Variants in RNLS observed in about 807,000 individuals in gnomAD.
The protein encoded by RNLS is renalase, FAD dependent amine oxidase.
A neutral mutation model predicts 39.8 loss-of-function variants in RNLS; 39 were observed. The observed-to-expected ratio is 0.98, with a 90% confidence interval of 0.76 to 1.28. RNLS has a LOEUF of 1.28. RNLS is among the 50% of genes most tolerant of loss of function. The probability of loss-of-function intolerance (pLI) is 0.00; values close to 1 mark genes in which losing one functional copy is unlikely to be tolerated. For missense variants in RNLS, 410 were observed against 413.3 expected (o/e 0.99, Z 0.07); for synonymous variants, 147 against 150.7 (o/e 0.98, Z 0.18).
chr10:88,444,839 G>A (rs1397788008), intron 4 of RNLS, among the ~76,000 whole-genome samples: 10 of 152,192 alleles, frequency 6.6e-5, no homozygotes, highest in African/African-American at 1.2e-4. Flanking sequence ...CCAAATCTAC[G>A]TCTGATTGGT....
the RNLS span, among the ~76,000 whole-genome samples, chr10:88,243,290 T>C: frequency 6.6e-6 from 1 of 152,154 alleles, no homozygotes; most frequent in Non-Finnish European, 1.5e-5. Context: ...TTAAAGAAAA[T>C]CCCATTTTCC....
chr10:88,517,272 G>C (rs2134179371), intron 4 of RNLS, among the ~76,000 whole-genome samples: 1 of 151,950 alleles, frequency 6.6e-6, no homozygotes, highest in East Asian at 1.9e-4. Flanking sequence ...ACATAATAAG[G>C]AAAGAATAAA....
chr10:88,578,671 C>T (rs1850350938), intron 3 of RNLS, among the ~76,000 whole-genome samples: 1 of 152,000 alleles, frequency 6.6e-6, no homozygotes, highest in African/African-American at 2.4e-5. Flanking sequence ...ATCACTCTAC[C>T]TACTATGTAG....
chr10:88,558,100 C>A (rs1158185644), intron 4 of RNLS, among the ~76,000 whole-genome samples: 2 of 152,060 alleles, frequency 1.3e-5, no homozygotes, highest in Admixed American at 6.6e-5. Flanking sequence ...TGTATGAGAA[C>A]AAAACTATGA....
intron 4 of RNLS, among the ~76,000 whole-genome samples, chr10:88,474,188 T>A (rs1399343763): frequency 7.2e-5 from 11 of 152,148 alleles, no homozygotes; most frequent in Non-Finnish European, 1.5e-5. Context: ...TTCTGTTAGA[T>A]GAAGTTGAAT....
At chr10:88,519,324 G>T (rs1846576933) in intron 4 of RNLS, among the ~76,000 whole-genome samples, 1 of 151,692 alleles carries the variant, frequency 6.6e-6, no homozygotes, top group Admixed American at 6.6e-5. Flanking sequence ...TATATATATT[G>T]CCTCCCACAT....
At chr10:88,232,991 C>T in the RNLS span, among the ~76,000 whole-genome samples, 1 of 152,240 alleles carries the variant, frequency 6.6e-6, no homozygotes, top group African/African-American at 2.4e-5. Flanking sequence ...TGAGCATCCT[C>T]ATTTTACTGA....
intron 4 of RNLS, among the ~76,000 whole-genome samples, chr10:88,455,396 C>A (rs2133913347): frequency 6.6e-6 from 1 of 152,142 alleles, no homozygotes; most frequent in Admixed American, 6.5e-5. Context: ...AACTACATGG[C>A]CTTATAATTA....
At chr10:88,212,318 T>G in the RNLS span, among the ~76,000 whole-genome samples, 1 of 152,220 alleles carries the variant, frequency 6.6e-6, no homozygotes, top group East Asian at 1.9e-4. Context: ...TACTTCCTAC[T>G]TCATCTTGTG....
At chr10:88,445,103 G>A (rs559454118) in intron 4 of RNLS, among the ~76,000 whole-genome samples, 5 of 152,274 alleles carry the variant, frequency 3.3e-5, no homozygotes, top group African/African-American at 1.2e-4. Flanking sequence ...AAGCCCAACA[G>A]ACTAACAGTG....
the RNLS span, among the ~76,000 whole-genome samples, chr10:88,259,591 C>T: frequency 6.6e-6 from 1 of 152,212 alleles, no homozygotes; most frequent in Non-Finnish European, 1.5e-5. Context: ...ACTGCACTCT[C>T]ACGCATAGTT....
chr10:88,555,073 C>A (rs1848791780), intron 4 of RNLS, among the ~76,000 whole-genome samples: 1 of 151,888 alleles, frequency 6.6e-6, no homozygotes, highest in Non-Finnish European at 1.5e-5. Context: ...TATATATATA[C>A]AATACATAAC....
At chr10:88,471,795 T>C (rs1843544366) in intron 4 of RNLS, among the ~76,000 whole-genome samples, 1 of 152,012 alleles carries the variant, frequency 6.6e-6, no homozygotes, top group Non-Finnish European at 1.5e-5. Context: ...TGTGTCTAAT[T>C]CTCCCAGCAA....
intron 5 of RNLS, among the ~76,000 whole-genome samples, chr10:88,329,146 C>T (rs532867245): frequency 3.3e-5 from 5 of 151,576 alleles, no homozygotes; most frequent in Admixed American, 2.0e-4. Flanking sequence ...TAGCTCACTA[C>T]AGCCTTGAAC....
chr10:88,516,678 C>G (rs1416425460), intron 4 of RNLS, among the ~76,000 whole-genome samples: 2 of 151,868 alleles, frequency 1.3e-5, no homozygotes, highest in Non-Finnish European at 2.9e-5. Flanking sequence ...TAGTTTGTTT[C>G]AAAAAGATGC....
intron 3 of RNLS, 67 bp from the exon 4 acceptor site, chr10:88,573,128 A>C: frequency 1.4e-6 from 2 of 1,474,718 alleles, no homozygotes; most frequent in Non-Finnish European, 1.9e-6. Flanking sequence ...GGATGTGAGT[A>C]GTCACAAACT....
chr10:88,522,246 G>C (rs1564869651), intron 4 of RNLS, among the ~76,000 whole-genome samples: 1 of 152,050 alleles, frequency 6.6e-6, no homozygotes, highest in Non-Finnish European at 1.5e-5. Context: ...GGTTTAATAA[G>C]CAGATGTTGA....
Position 88,417,303 on chromosome 10 carries a change from AT to A in RNLS, c.527-54579del, listed in dbSNP as rs559841051. 7.1e-4 allele frequency among the ~76,000 whole-genome samples: 108 copies of A among 152,306 alleles called. 1 individual carries two copies. In the South Asian group the frequency reaches 8.5e-3, roughly 12 times the overall value. ...TGTGGTTTGAGAAGATATTTCACAA[AT>A]TTTTTAAATTTGGTGTTTCCTTTTA... is the stretch of plus-strand genomic sequence containing the variant. On this transcript the variant is annotated intron_variant, in intron 4 of 6. Coordinates refer to ENST00000331772, the MANE Select transcript of RNLS (RefSeq NM_001031709.3).
chr10:88,574,933 C>T (rs1850074417), intron 3 of RNLS, among the ~76,000 whole-genome samples: 1 of 151,752 alleles, frequency 6.6e-6, no homozygotes. Flanking sequence ...ATGGCCCTGT[C>T]CCAGACCTCA....
Sources: gnomAD v4.1 joint callset for allele counts (sites outside exome capture counted in the v4.1 genomes callset) on GRCh38, gnomAD v4.1.1 for gene constraint, MANE v1.5 for transcripts, NCBI Gene and HGNC (gene_info 2026-07-23, HGNC 2026-07-21) for gene names.